Variants in AGBL4 observed in about 807,000 individuals in gnomAD.
AGBL4 encodes the protein cytosolic carboxypeptidase 6.
AGBL4 carries 58 observed loss-of-function variants against 66.4 expected under a neutral mutation model. The ratio of observed to expected loss-of-function variants is 0.87; its 90% CI spans 0.71 to 1.09. The LOEUF (loss-of-function observed/expected upper bound fraction) is 1.09. Among genes scored for constraint, AGBL4 ranks in the 50% least tolerant of loss-of-function variants. The pLI is 0.00. For synonymous variants in AGBL4, 234 were observed against 222.9 expected (o/e 1.05, Z -0.44); for missense variants, 579 against 631.0 (o/e 0.92, Z 0.88).
At chr1:48,638,968 C>T (rs1218885154) in intron 8 of AGBL4, among the ~76,000 whole-genome samples, 1 of 152,156 alleles carries the variant, frequency 6.6e-6, no homozygotes, top group Non-Finnish European at 1.5e-5. Context: ...AACAAGTACT[C>T]TAAAGGGCCC....
chr1:49,683,869 T>C (rs1289073851), intron 3 of AGBL4, among the ~76,000 whole-genome samples: 2 of 152,184 alleles, frequency 1.3e-5, no homozygotes, highest in African/African-American at 2.4e-5. Context: ...AAATTTGCTG[T>C]TCAATACTGA....
chr1:48,658,513 C>T (rs889126047), intron 7 of AGBL4, among the ~76,000 whole-genome samples: 1 of 152,190 alleles, frequency 6.6e-6, no homozygotes, highest in Non-Finnish European at 1.5e-5. Flanking sequence ...GAATTATGGA[C>T]TCACAAGGAG....
chr1:49,783,407 A>T (rs1319218937), intron 2 of AGBL4, among the ~76,000 whole-genome samples: 1 of 152,172 alleles, frequency 6.6e-6, no homozygotes, highest in East Asian at 1.9e-4. Context: ...AGGGTAAAGG[A>T]CAAAAAAAAT....
At chr1:48,797,533 G>T (rs1645714313) in intron 6 of AGBL4, among the ~76,000 whole-genome samples, 1 of 152,156 alleles carries the variant, frequency 6.6e-6, no homozygotes, top group Non-Finnish European at 1.5e-5. Flanking sequence ...CATCCAGGTT[G>T]CTGTCAATGC....
chr1:48,687,812 G>A (rs949381515), intron 6 of AGBL4, among the ~76,000 whole-genome samples: 2 of 152,210 alleles, frequency 1.3e-5, no homozygotes, highest in Admixed American at 1.3e-4. Flanking sequence ...CCTGCCTTCA[G>A]GTCCTGCTCC....
At chr1:48,839,362 T>G (rs1278624312) in intron 6 of AGBL4, among the ~76,000 whole-genome samples, 2 of 152,110 alleles carry the variant, frequency 1.3e-5, no homozygotes, top group East Asian at 3.9e-4. Context: ...CACACATATA[T>G]GTGAAATTGA....
In AGBL4 at chr1:48,541,378, G is replaced by A. The variant is rs148215494; in HGVS notation, c.1268-1640C>T. On this transcript the variant is annotated intron_variant, in intron 11 of 13. Coordinates refer to ENST00000371839, the MANE Select transcript of AGBL4 (RefSeq NM_032785.4). ...TCTTTTCAGTAGCCCCTTCTAGCCTGCAAGCTCTATGAGGCAGAGGTCATA... is the reference window on the plus strand; with the variant it reads ...TCTTTTCAGTAGCCCCTTCTAGCCTACAAGCTCTATGAGGCAGAGGTCATA... Among the ~76,000 whole-genome samples the A allele has an allele frequency of 3.3e-5, 5 of 152,322 alleles. No individual in the cohort carries two copies. The East Asian group carries it at 9.6e-4, about 29-fold the overall frequency.
intron 2 of AGBL4, among the ~76,000 whole-genome samples, chr1:49,767,535 T>C (rs1451544484): frequency 2.0e-5 from 3 of 151,928 alleles, no homozygotes; most frequent in Admixed American, 6.6e-5. Context: ...AATCTAACAT[T>C]GCATCTAGAG....
intron 1 of AGBL4, among the ~76,000 whole-genome samples, chr1:49,886,119 C>T (rs1229254488): frequency 6.6e-6 from 1 of 152,148 alleles, no homozygotes; most frequent in African/African-American, 2.4e-5. Flanking sequence ...TCACTTACAC[C>T]TTTTTCTATT....
At chr1:50,000,207 A>G (rs1660644455) in intron 1 of AGBL4, among the ~76,000 whole-genome samples, 1 of 152,170 alleles carries the variant, frequency 6.6e-6, no homozygotes, top group Admixed American at 6.5e-5. Flanking sequence ...ATCTACAAGG[A>G]ACTAAAACAA....
intron 5 of AGBL4, among the ~76,000 whole-genome samples, chr1:48,938,351 C>A (rs1186587357): frequency 1.4e-4 from 21 of 152,018 alleles, no homozygotes; most frequent in Admixed American, 1.3e-3. Context: ...CGGAGTTATA[C>A]CCTAATGAAA....
intron 5 of AGBL4, among the ~76,000 whole-genome samples, chr1:48,963,279 C>G (rs1283201119): frequency 1.3e-5 from 2 of 151,964 alleles, no homozygotes; most frequent in African/African-American, 2.4e-5. Context: ...CTGTGCATAA[C>G]CTAATCAACT....
intron 6 of AGBL4, among the ~76,000 whole-genome samples, chr1:48,676,093 A>C (rs1348613739): frequency 6.6e-6 from 1 of 152,256 alleles, no homozygotes; most frequent in Non-Finnish European, 1.5e-5. Context: ...AGAGCTGGAC[A>C]GACCTGGGTT....
chr1:49,367,381 T>G (rs1278733077), intron 3 of AGBL4, among the ~76,000 whole-genome samples: 1 of 152,188 alleles, frequency 6.6e-6, no homozygotes. Context: ...TTGCTCCCTC[T>G]CTCTTCATGT....
intron 3 of AGBL4, among the ~76,000 whole-genome samples, chr1:49,431,343 C>T (rs1407428953): frequency 6.6e-6 from 1 of 152,108 alleles, no homozygotes; most frequent in African/African-American, 2.4e-5. Context: ...TCATCTTGTT[C>T]CACAGCAATT....
chr1:49,959,869 T>C (rs1372963840), intron 1 of AGBL4, among the ~76,000 whole-genome samples: 5 of 152,098 alleles, frequency 3.3e-5, no homozygotes, highest in Non-Finnish European at 7.4e-5. Flanking sequence ...AATGAGATCA[T>C]GTCCTTTGCA....
chr1:49,202,979 A>T (rs1409917186), intron 4 of AGBL4, among the ~76,000 whole-genome samples: 2 of 152,010 alleles, frequency 1.3e-5, no homozygotes, highest in Non-Finnish European at 2.9e-5. Flanking sequence ...GTAGATATAG[A>T]AATGGCCAGC....
At chr1:48,911,571 G>A (rs1653110080) in intron 5 of AGBL4, among the ~76,000 whole-genome samples, 1 of 144,494 alleles carries the variant, frequency 6.9e-6, no homozygotes. Context: ...AGTGAGCTGA[G>A]ATCACGCCAC....
In AGBL4 at chr1:48,590,873, A is replaced by G; in HGVS notation, c.1064T>C (p.Phe355Ser). 6.2e-7 allele frequency: 1 copy of G among 1,606,092 alleles called. No individual in the cohort carries two copies. The highest frequency in any genetic ancestry group is 8.5e-7 in the Non-Finnish European group (1 of 1,176,328). ...DEERFQRQAI[F>S]PKLLCQNAED... Reference sequence around the variant, plus strand: ...AGCATTCTGGCAGAGGAGCTTGGGAAAAATGGCCTGCCTCTGGAACCGTTC... The same window carrying G: ...AGCATTCTGGCAGAGGAGCTTGGGAGAAATGGCCTGCCTCTGGAACCGTTC... The change falls in exon 10 of 14, where the codon TTT becomes TCT. Residue 355 changes from phenylalanine (F) to serine (S), a missense_variant. By Grantham distance (155) the Phe-to-Ser change is radical (BLOSUM62 -2). Coordinates refer to ENST00000371839, the MANE Select transcript of AGBL4 (RefSeq NM_032785.4).
Sources: allele counts gnomAD v4.1 joint callset (sites outside exome capture counted in the v4.1 genomes callset), GRCh38; gene constraint gnomAD v4.1.1; transcripts MANE v1.5; gene names NCBI Gene and HGNC (gene_info 2026-07-23, HGNC 2026-07-21).